Variants in CTNNA2 observed in about 807,000 individuals in gnomAD.
CTNNA2 encodes the protein catenin alpha 2.
CTNNA2 carries 42 observed loss-of-function variants against 101.0 expected under a neutral mutation model. The ratio of observed to expected loss-of-function variants is 0.42; its 90% CI spans 0.32 to 0.54. The LOEUF is 0.54. CTNNA2 is among the 20% of genes least tolerant of loss of function. The pLI, the probability that CTNNA2 is intolerant of heterozygous loss-of-function variation, is 0.14. For missense variants in CTNNA2, 871 were observed against 1,223.1 expected, an observed-to-expected ratio of 0.71 and a Z score of 4.29; for synonymous variants, 450 against 456.4, an observed-to-expected ratio of 0.99 and a Z score of 0.18.
intron 3 of CTNNA2, among the ~76,000 whole-genome samples, chr2:79,800,314 A>C (rs1676055879): frequency 6.6e-6 from 1 of 152,112 alleles, no homozygotes; most frequent in Non-Finnish European, 1.5e-5. Context: ...CTAGCCCCTC[A>C]CCTCTTTTCT....
intron 9 of CTNNA2, among the ~76,000 whole-genome samples, chr2:80,518,880 G>A (rs187952493): frequency 2.0e-5 from 3 of 152,246 alleles, no homozygotes; most frequent in African/African-American, 7.2e-5. Flanking sequence ...GTATCTGATT[G>A]TAATAGACTT....
At chr2:79,687,515 C>T (rs1684014832) in intron 2 of CTNNA2, 1 of 663,268 alleles carries the variant, frequency 1.5e-6, no homozygotes, top group Non-Finnish European at 2.7e-6. Context: ...AGAGGGCACA[C>T]ACTGGAATCC....
At chr2:80,540,216 T>A (rs181415444) in intron 9 of CTNNA2, among the ~76,000 whole-genome samples, 1 of 152,130 alleles carries the variant, frequency 6.6e-6, no homozygotes, top group Non-Finnish European at 1.5e-5. Flanking sequence ...GGAGAAAATA[T>A]TAGCTTTGAA....
chr2:79,926,873 A>G (rs918146675), intron 7 of CTNNA2, among the ~76,000 whole-genome samples: 5 of 152,030 alleles, frequency 3.3e-5, no homozygotes, highest in African/African-American at 1.2e-4. Flanking sequence ...TCCCTTCCAA[A>G]TAATAAAGAC....
chr2:80,138,503 A>T (rs145500830), intron 7 of CTNNA2, among the ~76,000 whole-genome samples: 3 of 152,148 alleles, frequency 2.0e-5, no homozygotes, highest in Non-Finnish European at 4.4e-5. Flanking sequence ...AAATAATATT[A>T]GTACTGGGTT....
At chr2:79,496,369 C>T (rs1324683561) in intron 4 of CTNNA2, among the ~76,000 whole-genome samples, 2 of 152,074 alleles carry the variant, frequency 1.3e-5, no homozygotes, top group Non-Finnish European at 2.9e-5. Flanking sequence ...ATCTTAAACA[C>T]AATGGATCTT....
chr2:79,814,399 C>T (rs1677299903), intron 3 of CTNNA2, among the ~76,000 whole-genome samples: 1 of 152,120 alleles, frequency 6.6e-6, no homozygotes, highest in Admixed American at 6.6e-5. Context: ...CACCTCTCAC[C>T]TTTCCCTCCA....
chr2:80,304,476 A>G lies in CTNNA2; in HGVS notation c.1057-88735A>G, dbSNP rs1459062081. ...AAAAACTCCAAACTCGGGGCTCGCGACTCCCCAGGATCTGACAGTCTGGTT... is the reference window on the plus strand; with the variant it reads ...AAAAACTCCAAACTCGGGGCTCGCGGCTCCCCAGGATCTGACAGTCTGGTT... On this transcript the variant is annotated intron_variant, in intron 7 of 18. Coordinates refer to ENST00000402739, the MANE Select transcript of CTNNA2 (RefSeq NM_001282597.3). The G allele has an allele frequency of 2.0e-5, 3 of 152,094 alleles. No homozygotes were observed. The Admixed American group carries it at 2.0e-4, about 10-fold the overall frequency. The allele number at this position is 152,094 out of a possible 1,614,324, so 9.4% of individuals were successfully genotyped here.
rs36003695 is a variant in CTNNA2 at position 79,967,117 on chromosome 2, C to T, written c.1056+57320C>T. ...CTATGCGTGCACACACGCGCACGCACGTGTGTGTGTGTGTGTGTGTGTATG... is the reference window on the plus strand; with the variant it reads ...CTATGCGTGCACACACGCGCACGCATGTGTGTGTGTGTGTGTGTGTGTATG... On this transcript the variant is annotated intron_variant, in intron 7 of 18. Coordinates refer to ENST00000402739, the MANE Select transcript of CTNNA2 (RefSeq NM_001282597.3). Among the ~76,000 whole-genome samples, 535 of 149,672 alleles carry T rather than the reference C, an allele frequency of 3.6e-3. 11 individuals carry two copies. Among genetic ancestry groups the T allele is most frequent in the Admixed American group, 0.029 (435 of 15,026 alleles).
At chr2:80,304,838 C>A (rs1171655301) in intron 7 of CTNNA2, 1 of 155,466 alleles carries the variant, frequency 6.4e-6, no homozygotes, top group African/African-American at 2.5e-5. Context: ...CAACATTTTA[C>A]CGAACCACTA....
chr2:79,404,078 C>T (rs1327087459), intron 4 of CTNNA2, among the ~76,000 whole-genome samples: 1 of 151,652 alleles, frequency 6.6e-6, no homozygotes, highest in African/African-American at 2.4e-5. Flanking sequence ...ACAAATTTTA[C>T]TCACATACAG....
rs532756487 is a variant in CTNNA2, at chr2:80,408,023, A to G, written c.1138-11426A>G. The stretch of plus-strand genomic sequence containing the variant: ...AAATGGCCAGAAACTTCAGAGGTAC[A>G]TTTATCAGTGACATCTGCACCAAGA... On this transcript the variant is annotated intron_variant, in intron 8 of 18. Coordinates refer to ENST00000402739, the MANE Select transcript of CTNNA2 (RefSeq NM_001282597.3). 1.6e-4 allele frequency among the ~76,000 whole-genome samples: 24 copies of G among 152,324 alleles called. No individual in the cohort carries two copies. In the South Asian group the frequency reaches 4.3e-3, roughly 28 times the overall value.
At chr2:80,539,568 A>C (rs938570659) in intron 9 of CTNNA2, among the ~76,000 whole-genome samples, 1 of 152,088 alleles carries the variant, frequency 6.6e-6, no homozygotes, top group Non-Finnish European at 1.5e-5. Flanking sequence ...CTGTAATCCT[A>C]AAGTTTTTGG....
chr2:79,722,372 A>C lies in CTNNA2; in HGVS notation c.103-22015A>C, dbSNP rs950173261. On this transcript the variant is annotated intron_variant, in intron 2 of 18. Coordinates refer to ENST00000402739, the MANE Select transcript of CTNNA2 (RefSeq NM_001282597.3). ...TGGTTGGATTTGTTTTGTTGGAGGAAAAGAATCTAAGGAAGGGATGAACTT... is the reference window on the plus strand; with the variant it reads ...TGGTTGGATTTGTTTTGTTGGAGGACAAGAATCTAAGGAAGGGATGAACTT... Among the ~76,000 whole-genome samples, 3 of 152,298 alleles carry C rather than the reference A, an allele frequency of 2.0e-5. No individual in the cohort carries two copies. The East Asian group carries it at 5.8e-4, about 29-fold the overall frequency.
At chr2:80,393,045 A>G (rs1677670069) in intron 7 of CTNNA2, among the ~76,000 whole-genome samples, 166 bp from the exon 8 acceptor site, 1 of 152,204 alleles carries the variant, frequency 6.6e-6, no homozygotes, top group African/African-American at 2.4e-5. Context: ...TTATTTCAGG[A>G]AAAACCAACT....
intron 1 of CTNNA2, among the ~76,000 whole-genome samples, chr2:79,639,516 A>G (rs1016287734): frequency 3.3e-5 from 5 of 152,200 alleles, no homozygotes; most frequent in Non-Finnish European, 4.4e-5. Context: ...ATTTGAAAAC[A>G]CTGTAATTAA....
In CTNNA2 at chr2:80,563,811, C is replaced by G. The variant is rs561989240; in HGVS notation, c.1741+7918C>G. Among the ~76,000 whole-genome samples, 3 of 152,282 alleles carry G rather than the reference C, an allele frequency of 2.0e-5. No individual in the cohort carries two copies. In the South Asian group the frequency reaches 6.2e-4, roughly 32 times the overall value. The stretch of plus-strand genomic sequence containing the variant: ...CCTGTTACTCTTATTATCTGTGTTA[C>G]TCATTTGGAACCTACCATATACTGC... On this transcript the variant is annotated intron_variant, in intron 12 of 18. Transcript: ENST00000402739.
intron 9 of CTNNA2, among the ~76,000 whole-genome samples, chr2:80,526,778 C>T (rs973651576): frequency 1.2e-4 from 19 of 152,176 alleles, no homozygotes; most frequent in Non-Finnish European, 2.4e-4. Flanking sequence ...CCAACTCTTG[C>T]GTCATTTCAG....
At chr2:79,445,863 A>G (rs1382135892) in intron 4 of CTNNA2, among the ~76,000 whole-genome samples, 1 of 151,966 alleles carries the variant, frequency 6.6e-6, no homozygotes, top group Non-Finnish European at 1.5e-5. Context: ...GTGTTTTTAA[A>G]TGTTCATGAA....
Sources: gnomAD v4.1 joint callset for allele counts (sites outside exome capture counted in the v4.1 genomes callset) on GRCh38, gnomAD v4.1.1 for gene constraint, MANE v1.5 for transcripts, NCBI Gene and HGNC (gene_info 2026-07-23, HGNC 2026-07-21) for gene names.